BRD7: variants seen among roughly 807,000 people sequenced by gnomAD.
BRD7 encodes bromodomain-containing protein 7.
In BRD7, 15 loss-of-function variants were observed where a neutral mutation model predicts 82.1. That is an observed-to-expected ratio of 0.18 (90% CI 0.12 to 0.28). The LOEUF (loss-of-function observed/expected upper bound fraction) is 0.28. Among genes scored for constraint, BRD7 ranks in the 10% least tolerant of loss-of-function variants. The pLI is 1.00. For synonymous variants in BRD7, 232 were observed against 266.9 expected (o/e 0.87, Z 1.27); for missense variants, 638 against 779.9 (o/e 0.82, Z 2.17).
At position 50,320,660 on chromosome 16, in the gene BRD7, T is replaced by A; in HGVS notation, c.1612+3A>T. 1 of 1,609,998 alleles carries A rather than the reference T, an allele frequency of 6.2e-7. No individual in the cohort carries two copies. The highest frequency in any genetic ancestry group is 8.5e-7 in the Non-Finnish European group (1 of 1,176,490). ...TTCAATCAAACCCTCTGGAGACACT[T>A]ACCTTCAGAGTCAAAAACTTCAACT... On this transcript the variant is annotated splice_donor_region_variant and intron_variant, in intron 14 of 16. Transcript: ENST00000394688.
At chr16:50,350,205 C>A in intron 4 of BRD7, 38 bp from the exon 5 acceptor site, 41 of 1,432,270 alleles carry the variant, frequency 2.9e-5, no homozygotes, top group Non-Finnish European at 3.5e-5. Context: ...ATATTTTATT[C>A]TATTACAAAC....
At chr16:50,325,998 G>A in intron 10 of BRD7, 115 bp from the exon 11 acceptor site, 2 of 1,086,876 alleles carry the variant, frequency 1.8e-6, no homozygotes, top group Non-Finnish European at 1.3e-6. Context: ...TGGCTGGTTT[G>A]CAAATCTAAG....
intron 5 of BRD7, among the ~76,000 whole-genome samples, chr16:50,341,894 G>T (rs2151172364): frequency 6.7e-6 from 1 of 148,460 alleles, no homozygotes; most frequent in South Asian, 2.1e-4. Context: ...GATGGCACTG[G>T]TCATTCAAAA....
At position 50,354,375 on chromosome 16, in the gene BRD7, C is replaced by G. The variant is rs745917141; in HGVS notation, c.446+50G>C. On this transcript the variant is annotated intron_variant, in intron 4 of 16. Transcript: ENST00000394688. ...GCACAAATGTGGTTTGGATCCTACA[C>G]ATCTACCATTTTAATTTCTATGTTA... 32 of 1,467,386 alleles carry G rather than the reference C, an allele frequency of 2.2e-5. No individual in the cohort carries two copies. The East Asian group carries it at 7.0e-4, about 32-fold the overall frequency. The allele number at this position is 1,467,386 out of a possible 1,614,324, so 90.9% of individuals were successfully genotyped here.
At chr16:50,320,638 A>C in intron 14 of BRD7, 25 bp downstream of exon 14, 1 of 1,564,542 alleles carries the variant, frequency 6.4e-7, no homozygotes, top group Non-Finnish European at 8.8e-7. Context: ...GCAGTGTTTC[A>C]ATCAAACCCT....
At chr16:50,334,132 A>T (rs1489608480) in intron 7 of BRD7, among the ~76,000 whole-genome samples, 1 of 152,238 alleles carries the variant, frequency 6.6e-6, no homozygotes, top group East Asian at 1.9e-4. Flanking sequence ...CAAACTGCTA[A>T]CTACAACCCT....
chr16:50,328,837 T>A, intron 8 of BRD7, 93 bp from the exon 9 acceptor site: 2 of 1,140,946 alleles, frequency 1.8e-6, no homozygotes, highest in Non-Finnish European at 2.5e-6. Context: ...CAGAGTGTTG[T>A]GGATTGCAGA....
chr16:50,341,146 T>C (rs1013902286), intron 5 of BRD7, among the ~76,000 whole-genome samples: 1 of 150,716 alleles, frequency 6.6e-6, no homozygotes, highest in African/African-American at 2.4e-5. Flanking sequence ...TCTCTAAGCA[T>C]CTGATGAAAG....
chr16:50,332,550 A>G (rs1308923398), intron 8 of BRD7, among the ~76,000 whole-genome samples: 1 of 152,210 alleles, frequency 6.6e-6, no homozygotes, highest in African/African-American at 2.4e-5. Context: ...GAGAATGTAA[A>G]TTAGTTCAGC....
Position 50,328,763 on chromosome 16 carries a change from T to C in BRD7, c.1012-19A>G, listed in dbSNP as rs555187356. The C allele has an allele frequency of 8.1e-6, 13 of 1,610,974 alleles. 1 individual carries two copies. The South Asian group carries it at 8.8e-5, about 11-fold the overall frequency. Reference sequence around the variant, plus strand: ...ATTCGCACTGCAATGACCCAAAGTATTCAGATGGAATGAAGTGTTTTATAC... The same window carrying C: ...ATTCGCACTGCAATGACCCAAAGTACTCAGATGGAATGAAGTGTTTTATAC... On this transcript the variant is annotated intron_variant, in intron 8 of 16. Coordinates refer to ENST00000394688, the MANE Select transcript of BRD7 (RefSeq NM_013263.5).
intron 2 of BRD7, among the ~76,000 whole-genome samples, chr16:50,363,704 T>C (rs915952062): frequency 6.6e-6 from 1 of 151,956 alleles, no homozygotes; most frequent in East Asian, 1.9e-4. Flanking sequence ...CTTTATCTTA[T>C]TTTCCTAAGT....
chr16:50,333,192 T>G (rs893705585), intron 8 of BRD7, among the ~76,000 whole-genome samples: 2 of 152,246 alleles, frequency 1.3e-5, no homozygotes, highest in African/African-American at 4.8e-5. Flanking sequence ...TACAAATGTT[T>G]TCCTGTAAAT....
intron 2 of BRD7, among the ~76,000 whole-genome samples, chr16:50,366,589 G>A (rs2039154834): frequency 6.6e-6 from 1 of 152,188 alleles, no homozygotes; most frequent in Admixed American, 6.5e-5. Flanking sequence ...TTGAGCAAGG[G>A]AAACTGAATT....
chr16:50,319,639 T>TA lies in BRD7; in HGVS notation c.1900+247dup, dbSNP rs546647555. Among the ~76,000 whole-genome samples the TA allele has an allele frequency of 4.5e-4, 69 of 152,208 alleles. No homozygotes were observed. In the South Asian group the frequency reaches 0.014, roughly 31 times the overall value. ...AATACAACAAACAATGAAAAAAATA[T>TA]AAAAAATACAGTCTATTAACTACAT... On this transcript the variant is annotated intron_variant, in intron 16 of 16. Coordinates refer to ENST00000394688, the MANE Select transcript of BRD7 (RefSeq NM_013263.5).
rs148762622 is a variant in BRD7, at chr16:50,364,188, G to C, written c.258+3902C>G. ...TGTATGCCTTTCAGAAAAATGTTTT[G>C]AAAGGAAAAGGACATCCTTTGTCCT... On this transcript the variant is annotated intron_variant, in intron 2 of 16. Transcript: ENST00000394688. Among the ~76,000 whole-genome samples the C allele has an allele frequency of 5.5e-3, 835 of 152,178 alleles. 8 individuals carry two copies. The highest frequency in any genetic ancestry group is 0.02 in the African/African-American group (811 of 41,528).
rs373480103 is a variant in BRD7 at position 50,320,093 on chromosome 16, A to G, written c.1757-63T>C. On this transcript the variant is annotated intron_variant, in intron 15 of 16. Coordinates refer to ENST00000394688, the MANE Select transcript of BRD7 (RefSeq NM_013263.5). ...GTTCCTTTAGATAGAGGCATCCCAA[A>G]GAACAGTAAATGTACACATGCAAAG... 2.2e-4 allele frequency: 339 copies of G among 1,548,992 alleles called. 2 individuals carry two copies. The South Asian group carries it at 3.8e-3, about 17-fold the overall frequency.
At position 50,360,963 on chromosome 16, in the gene BRD7, C is replaced by T. The variant is rs141047600; in HGVS notation, c.259-6041G>A. 1.5e-3 allele frequency among the ~76,000 whole-genome samples: 224 copies of T among 152,324 alleles called. 1 individual carries two copies. Among genetic ancestry groups the T allele is most frequent in the African/African-American group, 5.1e-3 (212 of 41,572 alleles). ...AACAGCCCAGAGATGCCAGGTGTGA[C>T]AGATGGCACAAGTCAATGAACTGTG... is the stretch of plus-strand genomic sequence containing the variant. On this transcript the variant is annotated intron_variant, in intron 2 of 16. Coordinates refer to ENST00000394688, the MANE Select transcript of BRD7 (RefSeq NM_013263.5).
At chr16:50,348,718 C>A (rs568870906) in intron 5 of BRD7, among the ~76,000 whole-genome samples, 102 of 152,322 alleles carry the variant, frequency 6.7e-4, no homozygotes, top group South Asian at 2.5e-3. Context: ...TACCATCTCA[C>A]ACCAGTTAGA....
chr16:50,363,660 T>TGCGTGCGC (rs1555472869), intron 2 of BRD7, among the ~76,000 whole-genome samples: 1 of 102,402 alleles, frequency 9.8e-6, no homozygotes, highest in Non-Finnish European at 2.8e-5. Context: ...TGTGTGTGTG[T>TGCGTGCGC]GCGCGCGCGC....
Sources: gnomAD v4.1 joint callset for allele counts (sites outside exome capture counted in the v4.1 genomes callset) on GRCh38, gnomAD v4.1.1 for gene constraint, MANE v1.5 for transcripts, NCBI Gene and HGNC (gene_info 2026-07-23, HGNC 2026-07-21) for gene names.